RCAN2: variants seen among roughly 807,000 people sequenced by gnomAD.
RCAN2 encodes calcipressin-2.
In RCAN2, 9 loss-of-function variants were observed where a neutral mutation model predicts 23.6. That is an observed-to-expected ratio of 0.38 (90% CI 0.23 to 0.67). The LOEUF (loss-of-function observed/expected upper bound fraction) is 0.67. Among genes scored for constraint, RCAN2 ranks in the 30% least tolerant of loss-of-function variants. The probability of loss-of-function intolerance (pLI) is 0.51; values close to 1 mark genes in which losing one functional copy is unlikely to be tolerated. For missense variants in RCAN2, 273 were observed against 302.3 expected, an observed-to-expected ratio of 0.90 and a Z score of 0.72; for synonymous variants, 109 against 115.7, an observed-to-expected ratio of 0.94 and a Z score of 0.37.
chr6:46,359,406 T>G (rs1022094713), intron 2 of RCAN2, among the ~76,000 whole-genome samples: 1 of 152,196 alleles, frequency 6.6e-6, no homozygotes, highest in Non-Finnish European at 1.5e-5. Context: ...ACAGCAAAGA[T>G]GTACTTCATC....
At chr6:46,410,222 G>A (rs1766507714) in intron 2 of RCAN2, among the ~76,000 whole-genome samples, 1 of 152,128 alleles carries the variant, frequency 6.6e-6, no homozygotes, top group Non-Finnish European at 1.5e-5. Context: ...CTTGAACTGA[G>A]CCATGCTACT....
At chr6:46,428,346 A>T (rs1257703701) in intron 2 of RCAN2, among the ~76,000 whole-genome samples, 1 of 152,222 alleles carries the variant, frequency 6.6e-6, no homozygotes, top group Non-Finnish European at 1.5e-5. Flanking sequence ...GTCACCTTGT[A>T]GTATTTATTC....
chr6:46,312,718 G>A (rs770355965), intron 2 of RCAN2, among the ~76,000 whole-genome samples: 7 of 152,178 alleles, frequency 4.6e-5, no homozygotes, highest in Non-Finnish European at 8.8e-5. Flanking sequence ...AAAGACAGAA[G>A]ACTAACTAGA....
intron 2 of RCAN2, among the ~76,000 whole-genome samples, chr6:46,366,270 T>C (rs1237548516): frequency 2.0e-5 from 3 of 152,162 alleles, no homozygotes; most frequent in African/African-American, 7.2e-5. Context: ...ACTCTGAACT[T>C]GGTGAAGTGC....
intron 2 of RCAN2, among the ~76,000 whole-genome samples, chr6:46,328,450 G>T (rs1006367478): frequency 6.6e-6 from 1 of 152,198 alleles, no homozygotes; most frequent in African/African-American, 2.4e-5. Flanking sequence ...TGGGGCAAAG[G>T]AACTTTCCAG....
At chr6:46,466,728 T>A (rs1768397561) in intron 1 of RCAN2, among the ~76,000 whole-genome samples, 1 of 152,122 alleles carries the variant, frequency 6.6e-6, no homozygotes, top group Admixed American at 6.5e-5. Flanking sequence ...AGACTTCCTA[T>A]CTAGACTTAT....
intron 2 of RCAN2, among the ~76,000 whole-genome samples, chr6:46,426,573 T>C (rs1767038315): frequency 6.6e-6 from 1 of 152,222 alleles, no homozygotes; most frequent in South Asian, 2.1e-4. Flanking sequence ...AACAGCTGGC[T>C]ATGCAAATAC....
chr6:46,356,352 C>G (rs948909093), intron 2 of RCAN2, among the ~76,000 whole-genome samples: 4 of 152,176 alleles, frequency 2.6e-5, no homozygotes, highest in African/African-American at 9.6e-5. Flanking sequence ...GCTCTGTGCC[C>G]TCCCTCAAGC....
chr6:46,478,562 A>G (rs16874656), intron 1 of RCAN2, among the ~76,000 whole-genome samples: 10,026 of 152,086 alleles, frequency 0.066, 441 homozygotes, highest in East Asian at 0.14. Context: ...TCACATGTCT[A>G]TGTCCACATG....
At chr6:46,320,487 A>G (rs1554133028) in intron 2 of RCAN2, among the ~76,000 whole-genome samples, 1 of 152,212 alleles carries the variant, frequency 6.6e-6, no homozygotes, top group Non-Finnish European at 1.5e-5. Flanking sequence ...GGTCTTTTTC[A>G]TAACTCACAC....
intron 1 of RCAN2, among the ~76,000 whole-genome samples, chr6:46,489,111 T>C (rs1769070144): frequency 6.6e-6 from 1 of 152,234 alleles, no homozygotes; most frequent in African/African-American, 2.4e-5. Flanking sequence ...AGGTGTCCTC[T>C]GAATGTGACC....
intron 1 of RCAN2, among the ~76,000 whole-genome samples, chr6:46,481,353 G>T (rs183773268): frequency 1.3e-5 from 2 of 152,118 alleles, no homozygotes; most frequent in Non-Finnish European, 1.5e-5. Context: ...ATAAATGCAG[G>T]TTCAACAAAG....
intron 1 of RCAN2, among the ~76,000 whole-genome samples, chr6:46,482,612 T>C (rs115264904): frequency 0.019 from 2,860 of 152,302 alleles, 42 homozygotes; most frequent in Middle Eastern, 0.041. Flanking sequence ...CCCTTGAAAG[T>C]TATACTGTCA....
intron 2 of RCAN2, among the ~76,000 whole-genome samples, chr6:46,375,097 A>C (rs1194748010): frequency 6.6e-6 from 1 of 152,076 alleles, no homozygotes; most frequent in African/African-American, 2.4e-5. Context: ...AGTAGCCACC[A>C]GCATGCCTAG....
chr6:46,262,152 AT>A (rs941265215), intron 2 of RCAN2, among the ~76,000 whole-genome samples: 57 of 150,106 alleles, frequency 3.8e-4, no homozygotes, highest in East Asian at 3.5e-3. Context: ...CCCTGAAGCC[AT>A]TTTTTTTTTA....
chr6:46,474,850 G>A (rs1026988519), intron 1 of RCAN2, among the ~76,000 whole-genome samples: 2 of 152,194 alleles, frequency 1.3e-5, no homozygotes, highest in African/African-American at 4.8e-5. Context: ...TAAGCAGCAG[G>A]TGGCATAGAA....
intron 1 of RCAN2, among the ~76,000 whole-genome samples, chr6:46,471,773 G>A (rs1768563503): frequency 6.6e-6 from 1 of 152,074 alleles, no homozygotes; most frequent in Admixed American, 6.5e-5. Context: ...CAATTTTAGA[G>A]GAATAATAAT....
chr6:46,430,122 G>C (rs1767148125), intron 2 of RCAN2, among the ~76,000 whole-genome samples: 1 of 152,176 alleles, frequency 6.6e-6, no homozygotes, highest in African/African-American at 2.4e-5. Context: ...AGCACTTCAA[G>C]CTTCAAAGTG....
At chr6:46,333,262 C>T (rs574976867) in intron 2 of RCAN2, among the ~76,000 whole-genome samples, 1 of 151,990 alleles carries the variant, frequency 6.6e-6, no homozygotes, top group South Asian at 2.1e-4. Context: ...CAACCTTTAT[C>T]CCATAAATGA....
Sources: allele counts gnomAD v4.1 joint callset (sites outside exome capture counted in the v4.1 genomes callset), GRCh38; gene constraint gnomAD v4.1.1; transcripts MANE v1.5; gene names NCBI Gene and HGNC (gene_info 2026-07-23, HGNC 2026-07-21).